The following ANKFN1 variants were observed in gnomAD, a reference collection of about 807,000 sequenced individuals.
ANKFN1 encodes the protein ankyrin repeat and fibronectin type-III domain-containing protein 1.
In ANKFN1, 74 loss-of-function variants were observed where a neutral mutation model predicts 108.7. The observed-to-expected ratio is 0.68, with a 90% CI of 0.56 to 0.83. ANKFN1 has a LOEUF of 0.83. Ranked by LOEUF, ANKFN1 falls within the 40% of genes least tolerant of loss-of-function variation. The probability of loss-of-function intolerance (pLI) is 0.00; values close to 1 mark genes in which losing one functional copy is unlikely to be tolerated. For missense variants in ANKFN1, 1,505 were observed against 1,382.3 expected, an observed-to-expected ratio of 1.09 and a Z score of -1.41; for synonymous variants, 547 against 516.2, an observed-to-expected ratio of 1.06 and a Z score of -0.81.
chr17:56,501,352 C>G (rs891552028), intron 20 of ANKFN1, among the ~76,000 whole-genome samples: 11 of 152,164 alleles, frequency 7.2e-5, no homozygotes, highest in Non-Finnish European at 1.5e-4. Flanking sequence ...AAAATCAAAT[C>G]TGGTTGCTGT....
chr17:56,237,337 A>G (rs1281996152), intron 3 of ANKFN1, among the ~76,000 whole-genome samples: 1 of 152,164 alleles, frequency 6.6e-6, no homozygotes, highest in Admixed American at 6.6e-5. Flanking sequence ...TAGGAATTGT[A>G]CCAGCTCTAA....
intron 8 of ANKFN1, among the ~76,000 whole-genome samples, chr17:56,389,455 G>A (rs1029310636): frequency 1.3e-5 from 2 of 152,164 alleles, no homozygotes; most frequent in African/African-American, 4.8e-5. Flanking sequence ...AAAATACCTT[G>A]TTTACCTTTT....
rs2145500715 is a variant in ANKFN1, at chr17:56,511,216, C to T, written c.3388C>T (p.Gln1130Ter). The T allele has an allele frequency of 2.6e-6, 4 of 1,533,826 alleles. No homozygotes were observed. Among genetic ancestry groups the T allele is most frequent in the East Asian group, 4.9e-5 (2 of 40,880 alleles). ...CAGCCCCACTGGCCCCGATGTGAGTCAGGAGGGCCCCACCGCCTCTCCCAT... is the reference window on the plus strand; with the variant it reads ...CAGCCCCACTGGCCCCGATGTGAGTTAGGAGGGCCCCACCGCCTCTCCCAT... ...LPSPTGPDVS[Q>*]EGPTASPMSE... Residue 1130 changes from glutamine (Q) to a stop codon, truncating the protein, a stop_gained, in exon 21 of 21, where the codon CAG becomes TAG. Transcript: ENST00000682825. LOFTEE classifies it high-confidence loss of function.
At chr17:56,368,462 TAG>T (rs2046724459) in intron 6 of ANKFN1, among the ~76,000 whole-genome samples, 1 of 151,578 alleles carries the variant, frequency 6.6e-6, no homozygotes, top group Admixed American at 6.6e-5. Flanking sequence ...GTATTTTTAG[TAG>T]AGACAGGGTT....
upstream of ANKFN1, among the ~76,000 whole-genome samples, chr17:56,153,157 T>A (rs1908769943): frequency 6.6e-6 from 1 of 152,176 alleles, no homozygotes; most frequent in Admixed American, 6.5e-5. Context: ...TACTTTCGAA[T>A]CCCACCCCTT....
chr17:56,091,418 T>TCTCACACA (rs1027288272), intron 4 of ANKFN1, among the ~76,000 whole-genome samples: 1 of 136,830 alleles, frequency 7.3e-6, no homozygotes, highest in African/African-American at 2.7e-5. Flanking sequence ...TCCAAACAAA[T>TCTCACACA]CACACACACA....
At chr17:56,333,102 T>A (rs1463476723) in intron 4 of ANKFN1, among the ~76,000 whole-genome samples, 1 of 152,014 alleles carries the variant, frequency 6.6e-6, no homozygotes, top group Non-Finnish European at 1.5e-5. Context: ...TAAACTTTCA[T>A]GTTATCTGCA....
chr17:56,389,785 T>A (rs77231018), intron 8 of ANKFN1, among the ~76,000 whole-genome samples: 2 of 152,018 alleles, frequency 1.3e-5, no homozygotes, highest in Admixed American at 6.6e-5. Context: ...AATATGTGAG[T>A]TTTTTCCTGA....
chr17:56,494,541 A>G (rs2051137393), intron 19 of ANKFN1, among the ~76,000 whole-genome samples: 1 of 152,154 alleles, frequency 6.6e-6, no homozygotes, highest in South Asian at 2.1e-4. Flanking sequence ...AGCCTGGGCA[A>G]CACAGTGAGA....
chr17:56,443,047 C>A, intron 10 of ANKFN1, 114 bp downstream of exon 10: 1 of 937,100 alleles, frequency 1.1e-6, no homozygotes, highest in Non-Finnish European at 1.6e-6. Context: ...ATAAGACCTT[C>A]TCAGGGCAGC....
intron 3 of ANKFN1, among the ~76,000 whole-genome samples, chr17:56,248,977 G>A (rs2043176832): frequency 1.3e-5 from 2 of 152,164 alleles, no homozygotes; most frequent in Non-Finnish European, 2.9e-5. Flanking sequence ...AATTGCACAG[G>A]GGAGGTGGTG....
chr17:56,102,409 A>C (rs1905664908), intron 4 of ANKFN1, among the ~76,000 whole-genome samples: 2 of 152,256 alleles, frequency 1.3e-5, no homozygotes, highest in Admixed American at 1.3e-4. Flanking sequence ...AAGGCTAATT[A>C]TGTTCCCTAC....
At chr17:56,332,867 C>T (rs2045701884) in intron 4 of ANKFN1, among the ~76,000 whole-genome samples, 1 of 151,904 alleles carries the variant, frequency 6.6e-6, no homozygotes, top group Non-Finnish European at 1.5e-5. Flanking sequence ...AAATAAAAAG[C>T]CTGCTAGGAT....
chr17:56,154,254 G>A (rs754349560), intron 1 of ANKFN1, among the ~76,000 whole-genome samples: 2 of 152,060 alleles, frequency 1.3e-5, no homozygotes, highest in Non-Finnish European at 2.9e-5. Flanking sequence ...TAATTCAGAA[G>A]GTTATTATTG....
Position 56,514,073 on chromosome 17 carries a change from T to C in ANKFN1, c.*2804T>C, listed in dbSNP as rs1435355537. On this transcript the variant is annotated 3_prime_UTR_variant, in exon 21 of 21. Coordinates refer to ENST00000682825, the MANE Select transcript of ANKFN1 (RefSeq NM_001370326.1). ...TTTTATTTTATTGTTTTTGTTTTGT[T>C]TAATTTTGGATACAATGGATTTTTG... Among the ~76,000 whole-genome samples the C allele has an allele frequency of 6.6e-6, 1 of 152,236 alleles. No homozygotes were observed. Among genetic ancestry groups the C allele is most frequent in the East Asian group, 1.9e-4 (1 of 5,202 alleles).
At chr17:56,271,455 G>T (rs1341069684) in intron 3 of ANKFN1, among the ~76,000 whole-genome samples, 1 of 152,186 alleles carries the variant, frequency 6.6e-6, no homozygotes, top group Non-Finnish European at 1.5e-5. Context: ...CTGAATGACT[G>T]TCCTTGACAA....
Position 56,455,635 on chromosome 17 carries a change from A to T in ANKFN1, c.1208-1226A>T, listed in dbSNP as rs1047744918. ...TCATTTTCCCTTCATTGCATAGAATATGAGAGTTAAAATCAGTGATTATGT... is the reference window on the plus strand; with the variant it reads ...TCATTTTCCCTTCATTGCATAGAATTTGAGAGTTAAAATCAGTGATTATGT... On this transcript the variant is annotated intron_variant, in intron 11 of 20. Transcript: ENST00000682825. Among the ~76,000 whole-genome samples, 4 of 152,184 alleles carry T rather than the reference A, an allele frequency of 2.6e-5. No homozygotes were observed. The East Asian group carries it at 7.7e-4, about 29-fold the overall frequency.
chr17:56,258,924 G>GTAAA (rs566587017), intron 3 of ANKFN1, among the ~76,000 whole-genome samples: 1,757 of 151,836 alleles, frequency 0.012, 11 homozygotes, highest in Non-Finnish European at 0.015. Context: ...AAATAAATAA[G>GTAAA]TAAATAAATA....
At chr17:56,290,281 C>T (rs138664538) in intron 3 of ANKFN1, among the ~76,000 whole-genome samples, 1 of 152,270 alleles carries the variant, frequency 6.6e-6, no homozygotes, top group African/African-American at 2.4e-5. Context: ...CCAACTTTAC[C>T]GTTCACCCAG....
Sources: gnomAD v4.1 joint callset for allele counts (sites outside exome capture counted in the v4.1 genomes callset) on GRCh38, gnomAD v4.1.1 for gene constraint, MANE v1.5 for transcripts, NCBI Gene and HGNC (gene_info 2026-07-23, HGNC 2026-07-21) for gene names.